UTS2B: variants seen among roughly 807,000 people sequenced by gnomAD.
UTS2B encodes the protein urotensin 2B.
A neutral mutation model predicts 19.2 loss-of-function variants in UTS2B; 21 were observed. The ratio of observed to expected loss-of-function variants is 1.09; its 90% CI spans 0.78 to 1.58. UTS2B has a LOEUF of 1.58. UTS2B is among the 40% of genes most tolerant of loss of function. UTS2B has a pLI of 0.00. For missense variants in UTS2B, 138 were observed against 130.3 expected, an observed-to-expected ratio of 1.06 and a Z score of -0.29; for synonymous variants, 57 against 50.2, an observed-to-expected ratio of 1.14 and a Z score of -0.58.
intron 4 of UTS2B, among the ~76,000 whole-genome samples, chr3:191,290,834 G>T (rs1232339495): frequency 1.3e-5 from 2 of 152,208 alleles, no homozygotes; most frequent in African/African-American, 4.8e-5. Context: ...GAAAAGCACA[G>T]ATAAGTGTTT....
intron 8 of UTS2B, chr3:191,273,681 T>C (rs1716153872): frequency 2.6e-6 from 1 of 391,482 alleles, no homozygotes; most frequent in Non-Finnish European, 5.3e-6. Flanking sequence ...GCCTAAGCTA[T>C]ACTGATTCAG....
chr3:191,289,443 T>TAAATAAAA (rs1560137108), intron 4 of UTS2B, among the ~76,000 whole-genome samples: 1 of 144,930 alleles, frequency 6.9e-6, no homozygotes, highest in Non-Finnish European at 1.5e-5. Context: ...AATAAATAAA[T>TAAATAAAA]AAATAAAAAA....
chr3:191,329,589 C>T, intron 1 of UTS2B: 3 of 1,418,962 alleles, frequency 2.1e-6, no homozygotes, highest in Non-Finnish European at 2.9e-6. Context: ...CCGCGTCCGG[C>T]GCTGCTGCTG....
At chr3:191,338,313 A>C in the UTS2B span, among the ~76,000 whole-genome samples, 37 of 152,282 alleles carry the variant, frequency 2.4e-4, no homozygotes, top group Admixed American at 9.8e-4. Flanking sequence ...GGTCTGTGTA[A>C]ATATCGAATA....
intron 4 of UTS2B, among the ~76,000 whole-genome samples, chr3:191,295,427 G>A (rs942877201): frequency 1.3e-5 from 2 of 151,508 alleles, no homozygotes; most frequent in Non-Finnish European, 1.5e-5. Flanking sequence ...ATACTTTTTC[G>A]GCTTCTTTTA....
intron 4 of UTS2B, among the ~76,000 whole-genome samples, chr3:191,301,199 G>C (rs1716989395): frequency 6.6e-6 from 1 of 152,132 alleles, no homozygotes; most frequent in Non-Finnish European, 1.5e-5. Context: ...ATAAGCTTTA[G>C]TGAAACTAGA....
intron 4 of UTS2B, among the ~76,000 whole-genome samples, chr3:191,284,132 A>G (rs1716466747): frequency 6.6e-6 from 1 of 152,176 alleles, no homozygotes; most frequent in Non-Finnish European, 1.5e-5. Context: ...TATGCACTGT[A>G]TTAAAGACAT....
intron 4 of UTS2B, among the ~76,000 whole-genome samples, chr3:191,293,319 A>T (rs1173421058): frequency 1.3e-5 from 2 of 152,212 alleles, no homozygotes; most frequent in East Asian, 3.8e-4. Context: ...TTTGTAAAGG[A>T]TTAGTGTTAA....
At chr3:191,321,479 C>G (rs1399456035) in intron 2 of UTS2B, among the ~76,000 whole-genome samples, 1 of 152,192 alleles carries the variant, frequency 6.6e-6, no homozygotes, top group Non-Finnish European at 1.5e-5. Flanking sequence ...TTTTAACACT[C>G]TTATTTGGAC....
At chr3:191,297,150 G>T (rs1264738911) in intron 4 of UTS2B, among the ~76,000 whole-genome samples, 2 of 152,080 alleles carry the variant, frequency 1.3e-5, no homozygotes, top group Admixed American at 6.6e-5. Flanking sequence ...TTGAACTGTG[G>T]ATTATCCTAA....
chr3:191,276,725 T>C (rs1716245931), intron 7 of UTS2B, 82 bp downstream of exon 7: 1 of 1,204,964 alleles, frequency 8.3e-7, no homozygotes, highest in Non-Finnish European at 1.2e-6. Flanking sequence ...ATTAATAATT[T>C]ATTTTAAAAA....
intron 1 of UTS2B, chr3:191,329,706 T>C: frequency 6.2e-7 from 1 of 1,610,586 alleles, no homozygotes; most frequent in Non-Finnish European, 8.5e-7. Context: ...CAGTCCAAGC[T>C]GCCTGGAGTC....
chr3:191,278,837 A>G (rs533469681), intron 5 of UTS2B, among the ~76,000 whole-genome samples: 14 of 152,202 alleles, frequency 9.2e-5, no homozygotes, highest in African/African-American at 3.4e-4. Context: ...TTCAAAAAAA[A>G]TCCATTGACA....
intron 4 of UTS2B, among the ~76,000 whole-genome samples, chr3:191,293,028 T>C (rs1458288053): frequency 1.3e-5 from 2 of 152,136 alleles, no homozygotes; most frequent in African/African-American, 4.8e-5. Flanking sequence ...AAAGTTCTCA[T>C]CCTTTATTCT....
chr3:191,305,347 A>G (rs950384454), intron 3 of UTS2B, among the ~76,000 whole-genome samples: 2 of 152,176 alleles, frequency 1.3e-5, no homozygotes, highest in Non-Finnish European at 2.9e-5. Context: ...TTGACATTTT[A>G]ATAATAGCCA....
intron 3 of UTS2B, among the ~76,000 whole-genome samples, chr3:191,310,212 C>T (rs941576060): frequency 2.0e-5 from 3 of 151,992 alleles, no homozygotes; most frequent in Non-Finnish European, 2.9e-5. Flanking sequence ...GTGATCCCCC[C>T]GCCTCAGCCT....
chr3:191,270,190 A>G (rs1286404306), intron 8 of UTS2B, among the ~76,000 whole-genome samples: 1 of 152,194 alleles, frequency 6.6e-6, no homozygotes, highest in Non-Finnish European at 1.5e-5. Flanking sequence ...AGTTATGGCA[A>G]CAGCACTGCA....
the UTS2B span, among the ~76,000 whole-genome samples, chr3:191,342,462 A>G: frequency 1.3e-5 from 2 of 152,194 alleles, no homozygotes; most frequent in South Asian, 4.1e-4. Context: ...TCAAAGGATA[A>G]ATAGAACTTG....
At chr3:191,330,093 G>C (rs186535825) in intron 1 of UTS2B, among the ~76,000 whole-genome samples, 11 of 152,266 alleles carry the variant, frequency 7.2e-5, no homozygotes, top group African/African-American at 2.2e-4. Flanking sequence ...TGGCTTGAAG[G>C]CTGGGAAGTG....
Sources: gnomAD v4.1 joint callset for allele counts (sites outside exome capture counted in the v4.1 genomes callset) on GRCh38, gnomAD v4.1.1 for gene constraint, MANE v1.5 for transcripts, NCBI Gene and HGNC (gene_info 2026-07-23, HGNC 2026-07-21) for gene names.